Variants in ROBO1 observed in about 807,000 individuals in gnomAD.
The protein encoded by ROBO1 is roundabout guidance receptor 1, also known as roundabout homolog 1.
ROBO1 carries 149 observed loss-of-function variants against 195.9 expected under a neutral mutation model. The ratio of observed to expected loss-of-function variants is 0.76; its 90% CI spans 0.67 to 0.87. The LOEUF (loss-of-function observed/expected upper bound fraction) is 0.87, where lower values mean the gene tolerates loss of function less well. ROBO1 is among the 40% of genes least tolerant of loss of function. The pLI is 0.00. For missense variants in ROBO1, 1,933 were observed against 2,068.3 expected, an observed-to-expected ratio of 0.93 and a Z score of 1.27; for synonymous variants, 816 against 733.2, an observed-to-expected ratio of 1.11 and a Z score of -1.82.
At chr3:79,577,949 A>G (rs1246169686) in intron 2 of ROBO1, among the ~76,000 whole-genome samples, 4 of 151,928 alleles carry the variant, frequency 2.6e-5, no homozygotes, top group African/African-American at 9.7e-5. Context: ...CCCAAAAAAC[A>G]AAAAACTCTT....
chr3:79,186,220 C>T (rs1025142089), intron 2 of ROBO1, among the ~76,000 whole-genome samples: 6 of 152,148 alleles, frequency 3.9e-5, no homozygotes, highest in South Asian at 4.1e-4. Context: ...TGAGCATATG[C>T]GATTTTCATT....
intron 2 of ROBO1, among the ~76,000 whole-genome samples, chr3:79,493,843 T>C (rs1195022137): frequency 1.3e-5 from 2 of 152,174 alleles, no homozygotes; most frequent in African/African-American, 4.8e-5. Context: ...TTTCTTTTGT[T>C]AGAAACATTC....
At position 79,174,650 on chromosome 3, in the gene ROBO1, A is replaced by G. The variant is rs2081233232; in HGVS notation, c.89-49111T>C. Reference sequence around the variant, plus strand: ...CACAGTGATAGCAAACGGTGAATACATTTGCTAATAATCAGCTATAAGAAA... The same window carrying G: ...CACAGTGATAGCAAACGGTGAATACGTTTGCTAATAATCAGCTATAAGAAA... On this transcript the variant is annotated intron_variant, in intron 2 of 30. Coordinates refer to ENST00000464233, the MANE Select transcript of ROBO1 (RefSeq NM_002941.4). Among the ~76,000 whole-genome samples the G allele has an allele frequency of 2.0e-5, 3 of 151,944 alleles. No individual in the cohort carries two copies. In the South Asian group the frequency reaches 6.2e-4, roughly 32 times the overall value.
intron 1 of ROBO1, among the ~76,000 whole-genome samples, chr3:79,641,697 A>G (rs1417315881): frequency 6.6e-6 from 1 of 152,088 alleles, no homozygotes; most frequent in Non-Finnish European, 1.5e-5. Flanking sequence ...ACAAAACTCA[A>G]TTCAGAAATA....
At chr3:79,552,466 C>T (rs1942558592) in intron 2 of ROBO1, among the ~76,000 whole-genome samples, 1 of 151,932 alleles carries the variant, frequency 6.6e-6, no homozygotes, top group Admixed American at 6.6e-5. Context: ...TGAATGTGGA[C>T]ATAGAGGGAA....
At chr3:79,175,071 T>G (rs1372811509) in intron 2 of ROBO1, among the ~76,000 whole-genome samples, 1 of 152,172 alleles carries the variant, frequency 6.6e-6, no homozygotes, top group Non-Finnish European at 1.5e-5. Flanking sequence ...TGTTAATATT[T>G]ATTTTTCATT....
intron 1 of ROBO1, among the ~76,000 whole-genome samples, chr3:79,760,411 A>G (rs1048602675): frequency 1.3e-5 from 2 of 150,518 alleles, no homozygotes; most frequent in African/African-American, 4.9e-5. Flanking sequence ...TGTATATCAT[A>G]TTTGAAAAAA....
At chr3:79,601,942 T>G (rs2107869756) in intron 1 of ROBO1, among the ~76,000 whole-genome samples, 1 of 152,076 alleles carries the variant, frequency 6.6e-6, no homozygotes, top group East Asian at 1.9e-4. Context: ...GGGGTTGGAA[T>G]TTTTAGTGTC....
intron 2 of ROBO1, among the ~76,000 whole-genome samples, chr3:79,576,697 G>C (rs1943497807): frequency 6.6e-6 from 1 of 151,936 alleles, no homozygotes; most frequent in Admixed American, 6.6e-5. Context: ...ATACACACTT[G>C]GTGAAAGCTT....
rs372784930 is a variant in ROBO1, at chr3:78,717,843, C to G, written c.698G>C (p.Ser233Thr). The change falls in exon 6 of 31, where the codon AGT (serine) becomes ACT (threonine). Residue 233 changes from serine to threonine, a missense_variant. Around this residue, in one of 3 missense-constraint regions of ROBO1, gnomAD observed 1,737 missense variants for 1,882.5 expected, o/e 0.92. Coordinates refer to ENST00000464233, the MANE Select transcript of ROBO1 (RefSeq NM_002941.4). Reference protein sequence around the residue: ...GKLMITYTRKSDAGKYVCVGT... With the variant: ...GKLMITYTRKTDAGKYVCVGT... Reference sequence around the variant, plus strand: ...AACACAAACATATTTGCCAGCGTCACTTTTACGGGTGTAAGTGATCATGAG... The same window carrying G: ...AACACAAACATATTTGCCAGCGTCAGTTTTACGGGTGTAAGTGATCATGAG... 1.2e-5 allele frequency: 19 copies of G among 1,613,714 alleles called. No homozygotes were observed. The highest frequency in any genetic ancestry group is 2.2e-5 in the East Asian group (1 of 44,860).
At chr3:78,918,634 T>C (rs1037620407) in intron 4 of ROBO1, among the ~76,000 whole-genome samples, 2 of 152,134 alleles carry the variant, frequency 1.3e-5, no homozygotes, top group East Asian at 1.9e-4. Flanking sequence ...CCAAAAATAA[T>C]AAAAGACTGG....
At chr3:79,646,855 A>C (rs921995673) in intron 1 of ROBO1, among the ~76,000 whole-genome samples, 1 of 152,108 alleles carries the variant, frequency 6.6e-6, no homozygotes, top group Non-Finnish European at 1.5e-5. Flanking sequence ...GAGGTAAAAG[A>C]GCAGATCCCA....
At position 78,756,896 on chromosome 3, in the gene ROBO1, A is replaced by AT. The variant is rs35709134; in HGVS notation, c.500-9997dup. 1.5e-3 allele frequency among the ~76,000 whole-genome samples: 225 copies of AT among 152,010 alleles called. 1 individual carries two copies. Among genetic ancestry groups the AT allele is most frequent in the Middle Eastern group, 0.014 (4 of 294 alleles). ...TCATAACTTTTTTATTTTTTATTTT[A>AT]TTTTTTTGAGATAGTTTCACTCTTG... On this transcript the variant is annotated intron_variant, in intron 4 of 30. Transcript: ENST00000464233.
At chr3:79,158,263 T>C (rs963701105) in intron 2 of ROBO1, among the ~76,000 whole-genome samples, 22 of 151,354 alleles carry the variant, frequency 1.5e-4, no homozygotes, top group South Asian at 4.2e-4. Flanking sequence ...AAATGTCCCA[T>C]TGAAGTTTTA....
chr3:78,660,251 G>A (rs1158985435), intron 16 of ROBO1: 5 of 155,074 alleles, frequency 3.2e-5, no homozygotes, highest in African/African-American at 1.2e-4. Context: ...TCTCATCCAA[G>A]TCTGAATAGT....
intron 4 of ROBO1, among the ~76,000 whole-genome samples, chr3:78,816,816 G>T (rs2030003066): frequency 6.6e-6 from 1 of 152,086 alleles, no homozygotes; most frequent in South Asian, 2.1e-4. Flanking sequence ...CAGATGAAGA[G>T]TCACTTCTTA....
intron 3 of ROBO1, among the ~76,000 whole-genome samples, chr3:79,106,508 T>C (rs1013363136): frequency 6.6e-6 from 1 of 151,646 alleles, no homozygotes; most frequent in African/African-American, 2.4e-5. Flanking sequence ...GGATTTCTAT[T>C]AGCACTTTCC....
In ROBO1 at chr3:78,910,290, T is replaced by C. The variant is rs113595381; in HGVS notation, c.499+28311A>G. On this transcript the variant is annotated intron_variant, in intron 4 of 30. Transcript: ENST00000464233. ...CCACTTTATAAATTCATCTTTTATATACATAACAGAGGCAAACGTCCAGAA... is the reference window on the plus strand; with the variant it reads ...CCACTTTATAAATTCATCTTTTATACACATAACAGAGGCAAACGTCCAGAA... Among the ~76,000 whole-genome samples, 686 of 152,066 alleles carry C rather than the reference T, an allele frequency of 4.5e-3. 6 individuals carry two copies. The highest frequency in any genetic ancestry group is 0.016 in the African/African-American group (663 of 41,560).
Position 79,585,741 on chromosome 3 carries a change from G to A in ROBO1, c.88+4083C>T, listed in dbSNP as rs553826394. 7.2e-5 allele frequency among the ~76,000 whole-genome samples: 11 copies of A among 151,962 alleles called. No homozygotes were observed. The East Asian group carries it at 7.8e-4, about 11-fold the overall frequency. ...AATTTGTAGATATCTGTAGAGCAGC[G>A]CAAACTCTTTATTTCAGTGATTCTG... On this transcript the variant is annotated intron_variant, in intron 2 of 30. Transcript: ENST00000464233.
Sources: allele counts gnomAD v4.1 joint callset (sites outside exome capture counted in the v4.1 genomes callset), GRCh38; gene constraint gnomAD v4.1.1; regional missense constraint gnomAD v4.1.1; transcripts MANE v1.5; gene names NCBI Gene and HGNC (gene_info 2026-07-23, HGNC 2026-07-21).